Variants in RBBP8NL observed in about 807,000 individuals in gnomAD.
The protein encoded by RBBP8NL is RBBP8 N-terminal-like protein.
Under a neutral mutation model 62.2 loss-of-function variants are expected in RBBP8NL, and 59 were observed. The observed-to-expected ratio is 0.95, with a 90% CI of 0.77 to 1.18. RBBP8NL has a LOEUF of 1.18. Among genes scored for constraint, RBBP8NL ranks in the 50% most tolerant of loss-of-function variants. The pLI, the probability that RBBP8NL is intolerant of heterozygous loss-of-function variation, is 0.00. For synonymous variants in RBBP8NL, 412 were observed against 394.1 expected, an observed-to-expected ratio of 1.05 and a Z score of -0.54; for missense variants, 896 against 899.5, an observed-to-expected ratio of 1.00 and a Z score of 0.05.
intron 11 of RBBP8NL, 144 bp downstream of exon 11, chr20:62,413,257 C>G (rs975191038): frequency 2.3e-5 from 26 of 1,109,662 alleles, no homozygotes; most frequent in Admixed American, 1.0e-4. Flanking sequence ...GAGCCAAGCC[C>G]TGGAGCCTGG....
At chr20:62,415,978 G>T in intron 6 of RBBP8NL, 33 bp from the exon 7 acceptor site, 1 of 1,501,124 alleles carries the variant, frequency 6.7e-7, no homozygotes. Context: ...GAGGGTGAGG[G>T]AGAGCAGCAT....
chr20:62,413,403 G>A lies in RBBP8NL; in HGVS notation c.1673C>T (p.Pro558Leu). 6.9e-7 allele frequency: 1 copy of A among 1,444,906 alleles called. No homozygotes were observed. Among genetic ancestry groups the A allele is most frequent in the Non-Finnish European group, 9.1e-7 (1 of 1,101,154 alleles). The allele number at this position is 1,444,906 out of a possible 1,614,324, so 89.5% of individuals were successfully genotyped here. The change falls in exon 11 of 14, where the codon CCA becomes CTA. Residue 558 changes from proline (P) to leucine (L), a missense_variant and splice_region_variant. Transcript: ENST00000252998. ...HPQPPDLDGH[P>L]EPSKAEVLRP... Reference sequence around the variant, plus strand: ...CTGACCCCAGGTGCTGACTGTACCTGGGTGGCCGTCCAGGTCAGGCGGCTG... The same window carrying A: ...CTGACCCCAGGTGCTGACTGTACCTAGGTGGCCGTCCAGGTCAGGCGGCTG...
intron 1 of RBBP8NL, among the ~76,000 whole-genome samples, chr20:62,424,805 T>C (rs1988773211): frequency 7.1e-6 from 1 of 141,782 alleles, no homozygotes; most frequent in African/African-American, 2.5e-5. Flanking sequence ...CACTCTGGAG[T>C]GGCCACTCAG....
chr20:62,419,635 T>C lies in RBBP8NL; in HGVS notation c.13A>G (p.Met5Val). Residue 5 changes from methionine (M) to valine (V), a missense_variant, in exon 2 of 14, where the codon ATG (methionine) becomes GTG (valine). Transcript: ENST00000252998. The stretch of plus-strand genomic sequence containing the variant: ...TCCTTCAGCCTGTTCAGCGACTCCA[T>C]GAAGCTCTCCATGGCTCCCTGTGGC... The part of the protein sequence containing the change: MESF[M>V]ESLNRLKEIH... 1 of 1,613,376 alleles carries C rather than the reference T, an allele frequency of 6.2e-7. No homozygotes were observed. Among genetic ancestry groups the C allele is most frequent in the Non-Finnish European group, 8.5e-7 (1 of 1,179,912 alleles).
At chr20:62,419,034 C>A (rs1988642152) in intron 2 of RBBP8NL, among the ~76,000 whole-genome samples, 1 of 152,106 alleles carries the variant, frequency 6.6e-6, no homozygotes, top group Admixed American at 6.5e-5. Flanking sequence ...GGGGCTGCGG[C>A]CCTGTCCCTC....
chr20:62,418,814 G>A (rs1354126303), intron 2 of RBBP8NL, among the ~76,000 whole-genome samples: 1 of 152,148 alleles, frequency 6.6e-6, no homozygotes, highest in Non-Finnish European at 1.5e-5. Context: ...AGCTAGTGTT[G>A]AAATAAGATA....
intron 1 of RBBP8NL, among the ~76,000 whole-genome samples, chr20:62,424,506 C>A (rs2427330): frequency 0.48 from 73,104 of 151,994 alleles, 17,887 homozygotes; most frequent in East Asian, 0.55. Flanking sequence ...GGTGCCAGCA[C>A]CTTTGCCTTC....
chr20:62,416,298 G>T, intron 5 of RBBP8NL, 62 bp from the exon 6 acceptor site: 2 of 1,255,368 alleles, frequency 1.6e-6, no homozygotes, highest in Non-Finnish European at 1.1e-6. Flanking sequence ...CAGGGGTGGG[G>T]TCGTCACAGC....
At position 62,425,877 on chromosome 20, in the gene RBBP8NL, A is replaced by AGCAGTG. The variant is rs200980736; in HGVS notation, c.-84+1577_-84+1582dup. Among the ~76,000 whole-genome samples, 864 of 152,354 alleles carry AGCAGTG rather than the reference A, an allele frequency of 5.7e-3. 2 individuals are homozygous for AGCAGTG. The highest frequency in any genetic ancestry group is 9.3e-3 in the Non-Finnish European group (636 of 68,030). The stretch of plus-strand genomic sequence containing the variant: ...GAGCAACGGTGATGGCCACAGCAGT[A>AGCAGTG]GCAGTGGCAGTGGCAGTGGCATAGC... On this transcript the variant is annotated intron_variant, in intron 1 of 13. Transcript: ENST00000252998.
At chr20:62,417,692 G>A (rs1450211041) in intron 3 of RBBP8NL, among the ~76,000 whole-genome samples, 2 of 78,310 alleles carry the variant, frequency 2.6e-5, no homozygotes, top group African/African-American at 1.1e-4. Context: ...ACGCTCCTCT[G>A]TGATGTCTGT....
At chr20:62,417,009 C>T (rs1344040197) in intron 4 of RBBP8NL, 137 bp from the exon 5 acceptor site, 7 of 757,182 alleles carry the variant, frequency 9.2e-6, no homozygotes, top group Non-Finnish European at 1.5e-5. Context: ...CTCTTCCCAC[C>T]CCGTGGGCTA....
In RBBP8NL at chr20:62,413,754, G is replaced by T. The variant is rs559278199; in HGVS notation, c.1530+67C>A. Reference sequence around the variant, plus strand: ...AAAAGAGCAGCCCGAGGTCTGGGGGGAGGCCGGCCCGGGGTGGGGGACGTG... The same window carrying T: ...AAAAGAGCAGCCCGAGGTCTGGGGGTAGGCCGGCCCGGGGTGGGGGACGTG... On this transcript the variant is annotated intron_variant, in intron 10 of 13. Transcript: ENST00000252998. 203 of 1,510,162 alleles carry T rather than the reference G, an allele frequency of 1.3e-4. 4 individuals carry two copies. In the South Asian group the frequency reaches 2.6e-3, roughly 20 times the overall value. 93.5% of individuals were successfully genotyped at this position (1,510,162 alleles called of 1,614,324 possible).
At chr20:62,426,634 G>GT (rs2146448844) in intron 1 of RBBP8NL, among the ~76,000 whole-genome samples, 1 of 152,364 alleles carries the variant, frequency 6.6e-6, no homozygotes, top group East Asian at 1.9e-4. Flanking sequence ...CTTCGGCCAG[G>GT]TCGCTTGTCT....
chr20:62,415,797 G>T lies in RBBP8NL; in HGVS notation c.535C>A (p.Arg179=), dbSNP rs991920495. The change falls in exon 7 of 14, where the codon CGG becomes AGG. Residue 179 remains arginine (R), a synonymous_variant. Coordinates refer to ENST00000252998, the MANE Select transcript of RBBP8NL (RefSeq NM_080833.3). Reference sequence around the variant, plus strand: ...CCGGTCCCCACAGCACCTTCTCCCCGTAGGCCCACGCCCTGGTGGTCTTCC... The same window carrying T: ...CCGGTCCCCACAGCACCTTCTCCCCTTAGGCCCACGCCCTGGTGGTCTTCC... ...AEEDHQGVGL[R]GEEKPAGHRT... is the part of the protein sequence containing the mutation. The T allele has an allele frequency of 6.2e-7, 1 of 1,612,032 alleles. No homozygotes were observed. Among genetic ancestry groups the T allele is most frequent in the Non-Finnish European group, 8.5e-7 (1 of 1,179,862 alleles).
Position 62,414,173 on chromosome 20 carries a change from T to G in RBBP8NL, c.1178A>C (p.Asp393Ala). 1 of 1,609,208 alleles carries G rather than the reference T, an allele frequency of 6.2e-7. No homozygotes were observed. The highest frequency in any genetic ancestry group is 8.5e-7 in the Non-Finnish European group (1 of 1,179,146). The change falls in exon 10 of 14, where the codon GAC becomes GCC. Residue 393 changes from aspartate (D) to alanine (A), a missense_variant. By Grantham distance (126) the Asp-to-Ala change is moderately radical (BLOSUM62 -2). Coordinates refer to ENST00000252998, the MANE Select transcript of RBBP8NL (RefSeq NM_080833.3). Reference sequence around the variant, plus strand: ...CCCCTCATTCTCAGGGCCCTCAGAGTCTGAGCCGACTGGTAGGGAGGGCAG... The same window carrying G: ...CCCCTCATTCTCAGGGCCCTCAGAGGCTGAGCCGACTGGTAGGGAGGGCAG... ...EMLPSLPVGS[D>A]SEGPENEGTR...
chr20:62,414,931 C>T (rs1052609327), intron 9 of RBBP8NL, among the ~76,000 whole-genome samples, 190 bp downstream of exon 9: 1 of 152,244 alleles, frequency 6.6e-6, no homozygotes, highest in Non-Finnish European at 1.5e-5. Context: ...ATCCCCTGCC[C>T]CCACGCCCCA....
chr20:62,422,210 T>C (rs1988715895), intron 1 of RBBP8NL, among the ~76,000 whole-genome samples: 1 of 152,148 alleles, frequency 6.6e-6, no homozygotes, highest in Non-Finnish European at 1.5e-5. Context: ...GGAACAGCCA[T>C]GGCTGCATCT....
chr20:62,423,208 C>T (rs1327487789), intron 1 of RBBP8NL, among the ~76,000 whole-genome samples: 1 of 152,160 alleles, frequency 6.6e-6, no homozygotes, highest in Non-Finnish European at 1.5e-5. Flanking sequence ...GAATCTTGAC[C>T]ACACCACGAA....
At chr20:62,421,524 ATG>A (rs538120913) in intron 1 of RBBP8NL, among the ~76,000 whole-genome samples, 6 of 127,842 alleles carry the variant, frequency 4.7e-5, no homozygotes, top group Admixed American at 8.2e-5. Flanking sequence ...GCCAGTGTGC[ATG>A]TGTGTGCACA....
Sources: gnomAD v4.1 joint callset for allele counts (sites outside exome capture counted in the v4.1 genomes callset) on GRCh38, gnomAD v4.1.1 for gene constraint, MANE v1.5 for transcripts, NCBI Gene and HGNC (gene_info 2026-07-23, HGNC 2026-07-21) for gene names.